The following RCBTB1 variants were observed in gnomAD, a reference collection of about 807,000 sequenced individuals.
RCBTB1 encodes the protein RCC1 and BTB domain containing protein 1.
In RCBTB1, 46 loss-of-function variants were observed where a neutral mutation model predicts 62.4. The observed-to-expected ratio is 0.74, with a 90% confidence interval of 0.58 to 0.94. RCBTB1 has a LOEUF of 0.94. RCBTB1 is among the 40% of genes least tolerant of loss of function. The pLI is 0.00. For missense variants in RCBTB1, 565 were observed against 654.9 expected (o/e 0.86, Z 1.50); for synonymous variants, 222 against 245.8 (o/e 0.90, Z 0.91).
In RCBTB1 at chr13:49,555,445, A is replaced by C. The variant is rs912955092; in HGVS notation, c.603+70T>G. ...CTTCCTTCTTCCATCTGATACATTC[A>C]CCTTGTGAAGAAACTGACGTGTAAT... is the stretch of plus-strand genomic sequence containing the variant. On this transcript the variant is annotated intron_variant, in intron 6 of 12. Coordinates refer to ENST00000378302, the MANE Select transcript of RCBTB1 (RefSeq NM_018191.4). 7.0e-6 allele frequency: 9 copies of C among 1,277,490 alleles called. No homozygotes were observed. The Admixed American group carries it at 8.6e-5, about 12-fold the overall frequency. The allele number at this position is 1,277,490 out of a possible 1,614,324, so 79.1% of individuals were successfully genotyped here.
intron 9 of RCBTB1, chr13:49,546,802 TA>T: frequency 4.5e-6 from 1 of 223,872 alleles, no homozygotes; most frequent in Non-Finnish European, 7.5e-6. Context: ...GGAGCAGCTG[TA>T]AATACAGATG....
Position 49,541,606 on chromosome 13 carries a change from T to C in RCBTB1, c.1324+70A>G, listed in dbSNP as rs558432755. The C allele has an allele frequency of 3.5e-6, 5 of 1,437,818 alleles. 1 individual carries two copies. In the South Asian group the frequency reaches 4.5e-5, roughly 13 times the overall value. 89.1% of individuals were successfully genotyped at this position (1,437,818 alleles called of 1,614,324 possible). On this transcript the variant is annotated intron_variant, in intron 11 of 12. Coordinates refer to ENST00000378302, the MANE Select transcript of RCBTB1 (RefSeq NM_018191.4). ...CAATACACCTGAAGCTTTTTACATT[T>C]CAGGACTAAGAATATGAGGGGATAT...
chr13:49,550,494 A>C, intron 8 of RCBTB1: 2 of 810,330 alleles, frequency 2.5e-6, no homozygotes, highest in Middle Eastern at 6.1e-4. Context: ...AGACCTTACA[A>C]TTAGGCTGAA....
intron 1 of RCBTB1, among the ~76,000 whole-genome samples, chr13:49,581,654 G>C (rs4941647): frequency 0.011 from 1,649 of 152,302 alleles, 71 homozygotes; most frequent in East Asian, 0.098. Context: ...AAACTCCAAC[G>C]GGAAAGGGAC....
chr13:49,538,888 C>CT (rs386379142), intron 12 of RCBTB1, among the ~76,000 whole-genome samples: 5,656 of 78,882 alleles, frequency 0.072, 175 homozygotes, highest in East Asian at 0.21. Context: ...TTTTTTTTAA[C>CT]TTTTTTTTTT....
At chr13:49,572,502 A>G (rs113965649) in intron 2 of RCBTB1, among the ~76,000 whole-genome samples, 141 of 152,232 alleles carry the variant, frequency 9.3e-4, no homozygotes, top group African/African-American at 3.2e-3. Context: ...ACTAAATTTC[A>G]TTTAAATAAT....
intron 10 of RCBTB1, among the ~76,000 whole-genome samples, chr13:49,542,461 GT>G (rs1394106903): frequency 1.3e-5 from 2 of 151,456 alleles, no homozygotes; most frequent in Non-Finnish European, 1.5e-5. Flanking sequence ...TTGCTCCTTT[GT>G]TTTTTTTAAA....
intron 7 of RCBTB1, among the ~76,000 whole-genome samples, chr13:49,551,726 C>T (rs1368418385): frequency 6.6e-6 from 1 of 152,066 alleles, no homozygotes; most frequent in African/African-American, 2.4e-5. Flanking sequence ...CGGTGAAACC[C>T]CGTCTCTACT....
intron 8 of RCBTB1, 35 bp from the exon 9 acceptor site, chr13:49,549,683 T>C (rs952772971): frequency 7.0e-6 from 11 of 1,580,866 alleles, no homozygotes; most frequent in East Asian, 6.8e-5. Flanking sequence ...TGTTACTTCA[T>C]GATCACAGAA....
At chr13:49,566,166 T>A (rs1249648524) in intron 4 of RCBTB1, among the ~76,000 whole-genome samples, 2 of 151,010 alleles carry the variant, frequency 1.3e-5, no homozygotes. Flanking sequence ...CAGAGACCTT[T>A]GTTCACTTGT....
Position 49,555,562 on chromosome 13 carries a change from T to C in RCBTB1, c.556A>G (p.Ile186Val). The change falls in exon 6 of 13, where the codon ATT becomes GTT. Residue 186 changes from isoleucine to valine, a missense_variant. Ile to Val is a conservative substitution (Grantham distance 29, BLOSUM62 3). Coordinates refer to ENST00000378302, the MANE Select transcript of RCBTB1 (RefSeq NM_018191.4). ...NCLHIKRVVGIACGQTSSMAV... is the reference protein window; with the variant it reads ...NCLHIKRVVGVACGQTSSMAV... ...ATGGATGAAGTCTGACCACAGGCAA[T>C]GCCAACTACCCTCTTAATATGTAAA... 1 of 1,614,072 alleles carries C rather than the reference T, an allele frequency of 6.2e-7. No individual in the cohort carries two copies. Among genetic ancestry groups the C allele is most frequent in the Non-Finnish European group, 8.5e-7 (1 of 1,179,912 alleles).
intron 10 of RCBTB1, among the ~76,000 whole-genome samples, chr13:49,543,046 T>C (rs1488793510): frequency 6.6e-6 from 1 of 152,214 alleles, no homozygotes; most frequent in Non-Finnish European, 1.5e-5. Flanking sequence ...CTCAATCACC[T>C]GAGGTCAGGA....
chr13:49,534,130 T>G lies in RCBTB1; in HGVS notation c.1588A>C (p.Lys530Gln). Residue 530 changes from lysine to glutamine, a missense_variant, in exon 13 of 13, where the codon AAG becomes CAG. Lys to Gln is a moderately conservative substitution (Grantham distance 53). Transcript: ENST00000378302. ...IAKASKCGAF[K>Q]N ...CCCAGCAGCCTTGCGCTTCAGTTCT[T>G]AAAGGCTCCACATTTACTGGCTTTA... 1 of 1,613,860 alleles carries G rather than the reference T, an allele frequency of 6.2e-7. No homozygotes were observed. The highest frequency in any genetic ancestry group is 8.5e-7 in the Non-Finnish European group (1 of 1,179,902).
Position 49,566,780 on chromosome 13 carries a change from A to T in RCBTB1, c.127-12T>A, listed in dbSNP as rs747615791. On this transcript the variant is annotated splice_polypyrimidine_tract_variant and intron_variant, in intron 3 of 12. Coordinates refer to ENST00000378302, the MANE Select transcript of RCBTB1 (RefSeq NM_018191.4). ...CCAAATACAAAGACCTAGAAAATAGATAGTTTTTTTTCTGAGTCTTTTGAC... is the reference window on the plus strand; with the variant it reads ...CCAAATACAAAGACCTAGAAAATAGTTAGTTTTTTTTCTGAGTCTTTTGAC... The T allele has an allele frequency of 3.1e-6, 5 of 1,591,598 alleles. No homozygotes were observed. The African/African-American group carries it at 6.8e-5, about 22-fold the overall frequency.
intron 8 of RCBTB1, 146 bp downstream of exon 8, chr13:49,551,180 A>C (rs2139179508): frequency 1.0e-5 from 8 of 764,460 alleles, no homozygotes; most frequent in Non-Finnish European, 1.2e-5. Context: ...GGAAGGGGGA[A>C]GGGAGAAGGG....
intron 2 of RCBTB1, among the ~76,000 whole-genome samples, chr13:49,571,068 C>T (rs574150690): frequency 1.4e-4 from 22 of 152,264 alleles, no homozygotes; most frequent in Non-Finnish European, 2.6e-4. Context: ...GTATCCAGGC[C>T]GGGCGGGGTA....
intron 2 of RCBTB1, among the ~76,000 whole-genome samples, chr13:49,576,534 A>C (rs937145215): frequency 6.6e-6 from 1 of 152,198 alleles, no homozygotes; most frequent in African/African-American, 2.4e-5. Flanking sequence ...TTCTCAACGG[A>C]GCATTTATAA....
chr13:49,547,278 A>G, intron 9 of RCBTB1: 4 of 899,848 alleles, frequency 4.4e-6, no homozygotes, highest in Non-Finnish European at 6.1e-6. Context: ...ACTCTTCCTA[A>G]GCACCCTTGC....
chr13:49,536,522 T>C (rs1341894393), intron 12 of RCBTB1, among the ~76,000 whole-genome samples: 1 of 152,180 alleles, frequency 6.6e-6, no homozygotes, highest in Admixed American at 6.5e-5. Context: ...GGCAAGAAAA[T>C]GCAACTCCTG....
Sources: gnomAD v4.1 joint callset for allele counts (sites outside exome capture counted in the v4.1 genomes callset) on GRCh38, gnomAD v4.1.1 for gene constraint, MANE v1.5 for transcripts, NCBI Gene and HGNC (gene_info 2026-07-23, HGNC 2026-07-21) for gene names.